Variants in CADM1 observed in about 807,000 individuals in gnomAD.
CADM1 encodes cell adhesion molecule 1.
CADM1 carries 15 observed loss-of-function variants against 53.1 expected under a neutral mutation model. That is an observed-to-expected ratio of 0.28 (90% CI 0.19 to 0.44). CADM1 has a LOEUF of 0.44. Among genes scored for constraint, CADM1 ranks in the 20% least tolerant of loss-of-function variants. The pLI is 1.00. For missense variants in CADM1, 434 were observed against 611.3 expected (o/e 0.71, Z 3.06); for synonymous variants, 281 against 243.0 (o/e 1.16, Z -1.45).
At chr11:115,355,054 A>G (rs1046044568) in intron 1 of CADM1, among the ~76,000 whole-genome samples, 2 of 152,230 alleles carry the variant, frequency 1.3e-5, no homozygotes, top group Admixed American at 1.3e-4. Flanking sequence ...TGAGATTAAT[A>G]GAAATTATCA....
In CADM1 at chr11:115,229,234, A is replaced by G; in HGVS notation, c.600T>C (p.Thr200=). The G allele has an allele frequency of 1.9e-6, 3 of 1,614,138 alleles. No individual in the cohort carries two copies. The highest frequency in any genetic ancestry group is 2.5e-6 in the Non-Finnish European group (3 of 1,180,006). The part of the protein sequence containing the change: ...SEVEEWSDMY[T]VTSQLMLKVH... ...CCTTCAGCATCAGCTGACTGGTCAC[A>G]GTGTACATGTCTGACCACTCTTCCA... Residue 200 remains threonine (T), a synonymous_variant, in exon 5 of 12, where the codon ACT becomes ACC. Coordinates refer to ENST00000331581, the MANE Select transcript of CADM1 (RefSeq NM_001301043.2).
intron 1 of CADM1, among the ~76,000 whole-genome samples, chr11:115,323,277 T>C (rs1565364841): frequency 6.6e-6 from 1 of 152,168 alleles, no homozygotes; most frequent in Non-Finnish European, 1.5e-5. Context: ...TAGTCAACTA[T>C]TCGGTAGAAA....
intron 1 of CADM1, among the ~76,000 whole-genome samples, chr11:115,419,636 T>A (rs941363384): frequency 6.6e-6 from 1 of 152,192 alleles, no homozygotes. Context: ...AGTAGGAAAT[T>A]AACTGAATTC....
chr11:115,212,471 C>G (rs1565301044), intron 7 of CADM1, among the ~76,000 whole-genome samples: 2 of 152,154 alleles, frequency 1.3e-5, no homozygotes, highest in Non-Finnish European at 2.9e-5. Flanking sequence ...TATTACAGAT[C>G]TAGCAAATCC....
intron 8 of CADM1, chr11:115,207,154 G>A (rs1329401492): frequency 6.6e-6 from 1 of 152,136 alleles, no homozygotes; most frequent in African/African-American, 2.4e-5. Context: ...CTACAATGTT[G>A]TGTTAGTAGC....
intron 1 of CADM1, among the ~76,000 whole-genome samples, chr11:115,476,303 G>A (rs1360199903): frequency 1.3e-5 from 2 of 152,032 alleles, no homozygotes; most frequent in African/African-American, 4.8e-5. Flanking sequence ...AATTATCTTG[G>A]TCAAAGTCAA....
intron 1 of CADM1, among the ~76,000 whole-genome samples, chr11:115,352,431 A>G (rs1160787322): frequency 1.3e-5 from 2 of 152,216 alleles, no homozygotes; most frequent in African/African-American, 4.8e-5. Context: ...GTCTTCTAAA[A>G]CAATCTCTAA....
chr11:115,181,700 T>C (rs45479795), intron 10 of CADM1, among the ~76,000 whole-genome samples: 5,150 of 152,320 alleles, frequency 0.034, 134 homozygotes, highest in Non-Finnish European at 0.048. Context: ...TGTCTTGGCC[T>C]TCCCTATGAA....
chr11:115,191,095 T>C, intron 9 of CADM1, 154 bp from the exon 10 acceptor site: 1 of 642,148 alleles, frequency 1.6e-6, no homozygotes, highest in East Asian at 2.8e-5. Context: ...ATAAGTACAT[T>C]TCTTCAATTA....
At chr11:115,425,209 A>G (rs1212733438) in intron 1 of CADM1, among the ~76,000 whole-genome samples, 1 of 152,236 alleles carries the variant, frequency 6.6e-6, no homozygotes, top group African/African-American at 2.4e-5. Context: ...CCGCTCTTTT[A>G]TTAATAAGTC....
intron 1 of CADM1, among the ~76,000 whole-genome samples, chr11:115,292,955 G>A (rs1943946002): frequency 6.6e-6 from 1 of 152,066 alleles, no homozygotes; most frequent in Non-Finnish European, 1.5e-5. Flanking sequence ...ATAATTACTG[G>A]ATAGATCTTT....
intron 1 of CADM1, among the ~76,000 whole-genome samples, chr11:115,297,942 A>G (rs1032066524): frequency 7.2e-5 from 11 of 152,372 alleles, no homozygotes; most frequent in African/African-American, 2.6e-4. Context: ...TCTGGACTGC[A>G]CTGCATGGTC....
intron 1 of CADM1, among the ~76,000 whole-genome samples, chr11:115,318,728 G>A (rs1207502447): frequency 6.6e-6 from 1 of 152,096 alleles, no homozygotes; most frequent in Non-Finnish European, 1.5e-5. Flanking sequence ...AATTTTGCAG[G>A]CAGAATTATA....
At chr11:115,409,684 G>C (rs969080709) in intron 1 of CADM1, among the ~76,000 whole-genome samples, 4 of 151,712 alleles carry the variant, frequency 2.6e-5, no homozygotes, top group African/African-American at 9.7e-5. Context: ...AGGAATCTGG[G>C]TTCCTTGACC....
intron 1 of CADM1, among the ~76,000 whole-genome samples, chr11:115,246,674 C>T (rs1400106888): frequency 6.6e-6 from 1 of 152,156 alleles, no homozygotes; most frequent in African/African-American, 2.4e-5. Context: ...TAGATAACAC[C>T]TTTGATTCAT....
intron 1 of CADM1, among the ~76,000 whole-genome samples, chr11:115,464,923 G>C (rs762479138): frequency 6.6e-5 from 10 of 152,148 alleles, no homozygotes; most frequent in Non-Finnish European, 1.5e-4. Context: ...CTGGTACCAT[G>C]TTTTCAAGAA....
At chr11:115,360,257 C>A (rs919219283) in intron 1 of CADM1, among the ~76,000 whole-genome samples, 13 of 152,192 alleles carry the variant, frequency 8.5e-5, no homozygotes, top group African/African-American at 3.1e-4. Context: ...ACAACTTGCA[C>A]TTTTGCTGAC....
chr11:115,201,952 A>C (rs1940449092), intron 8 of CADM1, among the ~76,000 whole-genome samples: 2 of 152,334 alleles, frequency 1.3e-5, no homozygotes, highest in South Asian at 4.1e-4. Flanking sequence ...CTCTCTGGCT[A>C]TTTTATGAGT....
chr11:115,269,058 G>A (rs752436644), intron 1 of CADM1, among the ~76,000 whole-genome samples: 18 of 152,060 alleles, frequency 1.2e-4, no homozygotes, highest in Non-Finnish European at 2.4e-4. Context: ...TTCTCTCCTC[G>A]GCCATAGCTT....
Sources: gnomAD v4.1 joint callset for allele counts (sites outside exome capture counted in the v4.1 genomes callset) on GRCh38, gnomAD v4.1.1 for gene constraint, MANE v1.5 for transcripts, NCBI Gene and HGNC (gene_info 2026-07-23, HGNC 2026-07-21) for gene names.